Variants in PCDH15 observed in about 807,000 individuals in gnomAD.
PCDH15 encodes the protein protocadherin-15.
Under a neutral mutation model 178.5 loss-of-function variants are expected in PCDH15, and 129 were observed. That is an observed-to-expected ratio of 0.72 (90% CI 0.63 to 0.84). The LOEUF is 0.84. PCDH15 is among the 40% of genes least tolerant of loss of function. The probability of loss-of-function intolerance (pLI) is 0.00; values close to 1 mark genes in which losing one functional copy is unlikely to be tolerated. For synonymous variants in PCDH15, 800 were observed against 732.0 expected (o/e 1.09, Z -1.50); for missense variants, 2,230 against 2,099.9 (o/e 1.06, Z -1.21).
chr10:54,357,616 C>A (rs957070878), intron 5 of PCDH15, among the ~76,000 whole-genome samples: 1 of 152,110 alleles, frequency 6.6e-6, no homozygotes, highest in Non-Finnish European at 1.5e-5. Flanking sequence ...TCAATGCCAT[C>A]CCCATCAAGC....
At chr10:55,226,021 A>C (rs1041235645) in intron 1 of PCDH15, among the ~76,000 whole-genome samples, 2 of 152,060 alleles carry the variant, frequency 1.3e-5, no homozygotes, top group African/African-American at 4.8e-5. Context: ...TGTCTCTAAG[A>C]TTAAGGGTTG....
chr10:55,605,569 C>G (rs1489321908), intron 2 of PCDH15, among the ~76,000 whole-genome samples: 1 of 150,546 alleles, frequency 6.6e-6, no homozygotes, highest in Non-Finnish European at 1.5e-5. Context: ...GGCTTCATCC[C>G]TGGGATGCAA....
chr10:54,994,017 A>T (rs1564697695), intron 2 of PCDH15, among the ~76,000 whole-genome samples: 1 of 152,176 alleles, frequency 6.6e-6, no homozygotes, highest in Non-Finnish European at 1.5e-5. Flanking sequence ...TGTTATTAAA[A>T]TTTACATTCA....
rs71004480 is a variant in PCDH15, at chr10:53,828,207, C to CAAAAAAA, written c.4211+351_4211+357dup. Among the ~76,000 whole-genome samples, 54 of 53,774 alleles carry CAAAAAAA rather than the reference C, an allele frequency of 1.0e-3. 2 individuals carry two copies. The highest frequency in any genetic ancestry group is 3.7e-3 in the African/African-American group (52 of 13,894). The allele number at this position is 53,774 out of a possible 152,430, so 35.3% of individuals were successfully genotyped here. A position where few individuals can be genotyped will look rare whatever the true frequency, so the allele number is the denominator to read the frequency against. ...GCCAACAAGAGCAAAAAGTCCGTCT[C>CAAAAAAA]AAAAAAAAAAAAAAAAAAAAAAAAA... On this transcript the variant is annotated intron_variant, in intron 31 of 37. Transcript: ENST00000644397.
chr10:54,832,650 C>T (rs1285279265), intron 3 of PCDH15, among the ~76,000 whole-genome samples: 1 of 152,196 alleles, frequency 6.6e-6, no homozygotes, highest in Non-Finnish European at 1.5e-5. Context: ...AAAGATATGA[C>T]TTTGGTCACC....
At chr10:55,418,734 A>G (rs996378537) in intron 2 of PCDH15, among the ~76,000 whole-genome samples, 11 of 151,982 alleles carry the variant, frequency 7.2e-5, no homozygotes, top group Admixed American at 1.3e-4. Flanking sequence ...TATTAGAAGA[A>G]AAAAGAAATG....
At chr10:55,140,576 AT>A (rs947966708) in intron 2 of PCDH15, among the ~76,000 whole-genome samples, 9 of 151,752 alleles carry the variant, frequency 5.9e-5, no homozygotes, top group African/African-American at 2.2e-4. Flanking sequence ...ATTATTTTTT[AT>A]TTTTTGTACT....
chr10:54,162,837 G>T (rs918493060), intron 13 of PCDH15, among the ~76,000 whole-genome samples: 1 of 152,010 alleles, frequency 6.6e-6, no homozygotes, highest in Non-Finnish European at 1.5e-5. Context: ...TGCAGTGGCT[G>T]GCAGCCATAG....
At chr10:53,880,885 T>A (rs1368633175) in intron 26 of PCDH15, among the ~76,000 whole-genome samples, 1 of 152,160 alleles carries the variant, frequency 6.6e-6, no homozygotes, top group Admixed American at 6.5e-5. Context: ...AACATGTTAA[T>A]ATAAACAACC....
chr10:55,241,129 T>A (rs1841531795), intron 1 of PCDH15, among the ~76,000 whole-genome samples: 1 of 152,064 alleles, frequency 6.6e-6, no homozygotes, highest in Non-Finnish European at 1.5e-5. Flanking sequence ...GACAGGAGAA[T>A]CGCTTGCACC....
chr10:53,899,058 T>C (rs896146077), intron 26 of PCDH15, among the ~76,000 whole-genome samples: 2 of 151,338 alleles, frequency 1.3e-5, no homozygotes, highest in African/African-American at 2.4e-5. Context: ...CTCACTATAG[T>C]ATAAACATGA....
At chr10:55,061,660 C>T in intron 2 of PCDH15, among the ~76,000 whole-genome samples, 1 of 152,188 alleles carries the variant, frequency 6.6e-6, no homozygotes. Context: ...AGATGCCCTT[C>T]AGTAGATTAA....
chr10:55,621,047 AT>A (rs1038294534), intron 2 of PCDH15, among the ~76,000 whole-genome samples: 53 of 152,114 alleles, frequency 3.5e-4, no homozygotes, highest in African/African-American at 1.1e-3. Flanking sequence ...TTAGAAAACC[AT>A]TTTTAAACAG....
intron 18 of PCDH15, among the ~76,000 whole-genome samples, chr10:54,032,378 T>C (rs979779010): frequency 6.6e-6 from 1 of 152,006 alleles, no homozygotes; most frequent in Non-Finnish European, 1.5e-5. Flanking sequence ...AAATTAAGAA[T>C]TCATAAGGAC....
At position 54,147,929 on chromosome 10, in the gene PCDH15, A is replaced by T. The variant is rs539421499; in HGVS notation, c.1784+5171T>A. Among the ~76,000 whole-genome samples, 3 of 152,060 alleles carry T rather than the reference A, an allele frequency of 2.0e-5. No individual in the cohort carries two copies. In the East Asian group the frequency reaches 5.8e-4, roughly 29 times the overall value. Reference sequence around the variant, plus strand: ...TGTTTACTAGGGGAGTGGAAGTGGGAAAGGGGACTGCTGAGCCAAGTCAAT... The same window carrying T: ...TGTTTACTAGGGGAGTGGAAGTGGGTAAGGGGACTGCTGAGCCAAGTCAAT... On this transcript the variant is annotated intron_variant, in intron 14 of 37. Coordinates refer to ENST00000644397, the MANE Select transcript of PCDH15 (RefSeq NM_001384140.1).
intron 1 of PCDH15, among the ~76,000 whole-genome samples, chr10:55,275,953 T>C (rs1842584794): frequency 6.6e-6 from 1 of 151,414 alleles, no homozygotes; most frequent in South Asian, 2.1e-4. Flanking sequence ...AATGAAGTTT[T>C]GTAATTTATT....
chr10:53,824,395 C>T (rs140824174), intron 32 of PCDH15, among the ~76,000 whole-genome samples: 144 of 152,204 alleles, frequency 9.5e-4, no homozygotes, highest in African/African-American at 3.3e-3. Flanking sequence ...AATATTTACC[C>T]ACTTAGCAGG....
At chr10:54,746,955 T>C (rs72794593) in intron 1 of PCDH15, among the ~76,000 whole-genome samples, 16,504 of 152,206 alleles carry the variant, frequency 0.11, 1,173 homozygotes, top group Middle Eastern at 0.19. Context: ...TTATAGGCAT[T>C]TGTGACTTAC....
At chr10:54,830,385 C>A (rs1311921224) in intron 3 of PCDH15, among the ~76,000 whole-genome samples, 9 of 152,066 alleles carry the variant, frequency 5.9e-5, no homozygotes, top group African/African-American at 2.2e-4. Flanking sequence ...ACATATACAC[C>A]ATGGAATACT....
Sources: gnomAD v4.1 joint callset for allele counts (sites outside exome capture counted in the v4.1 genomes callset) on GRCh38, gnomAD v4.1.1 for gene constraint, MANE v1.5 for transcripts, NCBI Gene and HGNC (gene_info 2026-07-23, HGNC 2026-07-21) for gene names.